LRP5: variants seen among roughly 807,000 people sequenced by gnomAD.
The protein encoded by LRP5 is LDL receptor related protein 5.
A neutral mutation model predicts 154.1 loss-of-function variants in LRP5; 62 were observed. The ratio of observed to expected loss-of-function variants is 0.40; its 90% CI spans 0.33 to 0.50. The LOEUF is 0.50. Ranked by LOEUF, LRP5 falls within the 20% of genes least tolerant of loss-of-function variation. The pLI is 0.55. For synonymous variants in LRP5, 966 were observed against 1,011.5 expected, an observed-to-expected ratio of 0.96 and a Z score of 0.85; for missense variants, 1,915 against 2,336.7, an observed-to-expected ratio of 0.82 and a Z score of 3.72.
chr11:68,368,227 A>G (rs1028522715), intron 5 of LRP5, among the ~76,000 whole-genome samples: 4 of 152,200 alleles, frequency 2.6e-5, no homozygotes, highest in African/African-American at 7.2e-5. Flanking sequence ...GGTGGGGGCC[A>G]TGTCAGGAAG....
chr11:68,322,061 G>A (rs891485951), intron 1 of LRP5, among the ~76,000 whole-genome samples: 3 of 152,192 alleles, frequency 2.0e-5, no homozygotes, highest in Non-Finnish European at 4.4e-5. Flanking sequence ...TTGCTTCTGC[G>A]GGTAAAGGCC....
chr11:68,325,241 G>C (rs1323378131), intron 1 of LRP5, among the ~76,000 whole-genome samples: 1 of 152,228 alleles, frequency 6.6e-6, no homozygotes, highest in Non-Finnish European at 1.5e-5. Flanking sequence ...AACAGGTTCA[G>C]GGATGTCCCC....
chr11:68,309,136 T>C (rs2098586034), upstream of LRP5, among the ~76,000 whole-genome samples: 1 of 151,896 alleles, frequency 6.6e-6, no homozygotes, highest in African/African-American at 2.4e-5. Context: ...AGTTTCACCA[T>C]GTTAGCCAGG....
In LRP5 at chr11:68,441,999, G is replaced by C. The variant is rs907490765; in HGVS notation, c.4488+2083G>C. Among the ~76,000 whole-genome samples, 8 of 152,340 alleles carry C rather than the reference G, an allele frequency of 5.3e-5. No individual in the cohort carries two copies. In the South Asian group the frequency reaches 1.7e-3, roughly 32 times the overall value. On this transcript the variant is annotated intron_variant, in intron 21 of 22. Transcript: ENST00000294304. The stretch of plus-strand genomic sequence containing the variant: ...TCCAAAGAGACTCCGCCCCCATGAC[G>C]CCAAGCAGGACTCCCTGGGAGGCAT...
At chr11:68,441,166 C>T (rs923681204) in intron 21 of LRP5, among the ~76,000 whole-genome samples, 1 of 152,144 alleles carries the variant, frequency 6.6e-6, no homozygotes, top group African/African-American at 2.4e-5. Context: ...GCAGCCTCTA[C>T]CTTCTAGGCT....
At chr11:68,319,535 T>TA in intron 1 of LRP5, among the ~76,000 whole-genome samples, 1 of 151,802 alleles carries the variant, frequency 6.6e-6, no homozygotes, top group Non-Finnish European at 1.5e-5. Flanking sequence ...TTATTATTAT[T>TA]TAATTTTATT....
chr11:68,312,984 C>G (rs2098589674), intron 1 of LRP5, among the ~76,000 whole-genome samples, 179 bp downstream of exon 1: 1 of 148,036 alleles, frequency 6.8e-6, no homozygotes, highest in Admixed American at 6.7e-5. Context: ...ACGCGCGGGC[C>G]CTTTGTCTCC....
intron 5 of LRP5, among the ~76,000 whole-genome samples, chr11:68,367,163 G>T (rs977044375): frequency 4.6e-5 from 7 of 152,324 alleles, no homozygotes; most frequent in African/African-American, 1.7e-4. Flanking sequence ...CTGGACCCAG[G>T]GAAGGAGTCC....
At position 68,347,954 on chromosome 11, in the gene LRP5, G is replaced by A. The variant is rs544861971; in HGVS notation, c.199G>A (p.Ala67Thr). Residue 67 changes from alanine to threonine, a missense_variant, in exon 2 of 23, where the codon GCA (alanine) becomes ACA (threonine). Ala to Thr is a moderately conservative substitution (Grantham distance 58). Around this residue, in one of 3 missense-constraint regions of LRP5, gnomAD observed 773 missense variants for 1,100.9 expected, o/e 0.70. Transcript: ENST00000294304. Reference sequence around the variant, plus strand: ...GGTCAGCGGCCTGGAGGATGCGGCCGCAGTGGACTTCCAGTTTTCCAAGGG... The same window carrying A: ...GGTCAGCGGCCTGGAGGATGCGGCCACAGTGGACTTCCAGTTTTCCAAGGG... ...IVVSGLEDAA[A>T]VDFQFSKGAV... 2 of 1,614,104 alleles carry A rather than the reference G, an allele frequency of 1.2e-6. No individual in the cohort carries two copies. The highest frequency in any genetic ancestry group is 1.1e-5 in the South Asian group (1 of 91,088).
At chr11:68,405,997 C>G (rs574033406) in intron 8 of LRP5, among the ~76,000 whole-genome samples, 1 of 152,400 alleles carries the variant, frequency 6.6e-6, no homozygotes, top group Admixed American at 6.5e-5. Context: ...GGCACTCTTG[C>G]CGAGCTGCTC....
intron 21 of LRP5, among the ~76,000 whole-genome samples, chr11:68,441,436 A>AAG (rs2098678160): frequency 6.6e-6 from 1 of 152,306 alleles, no homozygotes; most frequent in African/African-American, 2.4e-5. Context: ...GAAGTAGCAG[A>AAG]AGAGGGTTCT....
chr11:68,395,257 C>T (rs896046780), intron 7 of LRP5, among the ~76,000 whole-genome samples: 4 of 149,374 alleles, frequency 2.7e-5, no homozygotes, highest in Admixed American at 6.7e-5. Context: ...GCCGAGATCC[C>T]GCCACTGCAC....
Position 68,439,837 on chromosome 11 carries a change from T to C in LRP5, c.4409T>C (p.Val1470Ala). The change falls in exon 21 of 23, where the codon GTG becomes GCG. Residue 1470 changes from valine to alanine, a missense_variant. Val to Ala is a moderately conservative substitution (Grantham distance 64). This residue lies in a region of LRP5 where 1,094 missense variants were observed against 1,210.1 expected (regional missense o/e 0.90). Coordinates refer to ENST00000294304, the MANE Select transcript of LRP5 (RefSeq NM_002335.4). ...SVSLMGGRGGVPLYDRNHVTG... is the reference protein window; with the variant it reads ...SVSLMGGRGGAPLYDRNHVTG... ...AGCCTGATGGGGGGCCGGGGCGGGG[T>C]GCCCCTCTACGACCGGAACCACGTC... 2 of 1,609,178 alleles carry C rather than the reference T, an allele frequency of 1.2e-6. No individual in the cohort carries two copies. The highest frequency in any genetic ancestry group is 1.7e-6 in the Non-Finnish European group (2 of 1,178,692).
chr11:68,314,231 C>T (rs2098591256), intron 1 of LRP5, among the ~76,000 whole-genome samples: 2 of 152,238 alleles, frequency 1.3e-5, no homozygotes, highest in Non-Finnish European at 1.5e-5. Flanking sequence ...TGCCTTTCAC[C>T]TCATTGCAGT....
chr11:68,416,490 G>A lies in LRP5; in HGVS notation c.2990G>A (p.Arg997His), dbSNP rs750144525. 1.1e-5 allele frequency: 17 copies of A among 1,613,962 alleles called. No homozygotes were observed. The highest frequency in any genetic ancestry group is 2.2e-5 in the South Asian group (2 of 91,078). ...AAGTTCATCTACTGGGTGGATGGGCGCCAGAACATCAAGCGAGCCAAGGAC... is the reference window on the plus strand; with the variant it reads ...AAGTTCATCTACTGGGTGGATGGGCACCAGAACATCAAGCGAGCCAAGGAC... ...LDKFIYWVDG[R>H]QNIKRAKDDG... is the part of the protein sequence containing the mutation. Residue 997 changes from arginine (R) to histidine (H), a missense_variant, in exon 13 of 23, where the codon CGC (arginine) becomes CAC (histidine). Transcript: ENST00000294304.
At chr11:68,369,145 G>A (rs1460150290) in intron 5 of LRP5, among the ~76,000 whole-genome samples, 2 of 152,300 alleles carry the variant, frequency 1.3e-5, no homozygotes, top group Admixed American at 1.3e-4. Flanking sequence ...GCCTATGCCT[G>A]AACAATATCT....
chr11:68,415,698 T>A (rs1213148220), intron 12 of LRP5, among the ~76,000 whole-genome samples: 15 of 70,820 alleles, frequency 2.1e-4, no homozygotes, highest in Middle Eastern at 6.4e-3. Context: ...GTGAGCTCAT[T>A]TTGTGCCACT....
chr11:68,367,340 A>C (rs1289907930), intron 5 of LRP5, among the ~76,000 whole-genome samples: 7 of 152,220 alleles, frequency 4.6e-5, no homozygotes, highest in African/African-American at 1.7e-4. Context: ...TGCCCACAGC[A>C]GGTGGCATAG....
chr11:68,345,857 G>A (rs866691158), intron 1 of LRP5, among the ~76,000 whole-genome samples: 8 of 152,088 alleles, frequency 5.3e-5, no homozygotes, highest in Non-Finnish European at 7.3e-5. Flanking sequence ...GATAGTAGCC[G>A]TCCTAATTGG....
Sources: allele counts gnomAD v4.1 joint callset (sites outside exome capture counted in the v4.1 genomes callset), GRCh38; gene constraint gnomAD v4.1.1; regional missense constraint gnomAD v4.1.1; transcripts MANE v1.5; gene names NCBI Gene and HGNC (gene_info 2026-07-23, HGNC 2026-07-21).